The following FARP1 variants were observed in gnomAD, a reference collection of about 807,000 sequenced individuals.
FARP1 encodes FERM, ARH/RhoGEF and pleckstrin domain protein 1, also known as FERM, ARHGEF and pleckstrin domain-containing protein 1.
FARP1 carries 52 observed loss-of-function variants against 128.8 expected under a neutral mutation model. That is an observed-to-expected ratio of 0.40 (90% CI 0.32 to 0.51). The LOEUF (loss-of-function observed/expected upper bound fraction) is 0.51, where lower values mean the gene tolerates loss of function less well. FARP1 is among the 20% of genes least tolerant of loss of function. FARP1 has a pLI of 0.45. For synonymous variants in FARP1, 580 were observed against 551.8 expected, an observed-to-expected ratio of 1.05 and a Z score of -0.72; for missense variants, 1,333 against 1,367.9, an observed-to-expected ratio of 0.97 and a Z score of 0.40.
intron 13 of FARP1, 72 bp from the exon 14 acceptor site, chr13:98,409,266 A>G (rs1891095826): frequency 4.2e-6 from 5 of 1,178,492 alleles, no homozygotes; most frequent in Non-Finnish European, 4.8e-6. Context: ...AAAAGGTGAA[A>G]GTAGTGAATA....
At chr13:98,228,191 TC>T (rs1459864809) in intron 2 of FARP1, among the ~76,000 whole-genome samples, 6 of 152,142 alleles carry the variant, frequency 3.9e-5, no homozygotes, top group Non-Finnish European at 7.4e-5. Flanking sequence ...AAACCCTGTC[TC>T]TACTAAAAAT....
At chr13:98,218,324 G>A in intron 2 of FARP1, among the ~76,000 whole-genome samples, 1 of 152,098 alleles carries the variant, frequency 6.6e-6, no homozygotes, top group Non-Finnish European at 1.5e-5. Flanking sequence ...CTTGAATCAT[G>A]GTCTCTAATC....
chr13:98,412,264 C>G (rs766493854), intron 16 of FARP1, among the ~76,000 whole-genome samples: 2 of 152,112 alleles, frequency 1.3e-5, no homozygotes, highest in Non-Finnish European at 2.9e-5. Context: ...TTTTCCCTCT[C>G]TTATGATGAT....
Position 98,385,771 on chromosome 13 carries a change from A to G in FARP1, c.716A>G (p.Lys239Arg), listed in dbSNP as rs1415269137. 2 of 1,614,112 alleles carry G rather than the reference A, an allele frequency of 1.2e-6. No homozygotes were observed. Among genetic ancestry groups the G allele is most frequent in the Admixed American group, 3.3e-5 (2 of 60,008 alleles). The change falls in exon 8 of 27, where the codon AAG (lysine) becomes AGG (arginine). Residue 239 changes from lysine to arginine, a missense_variant. Coordinates refer to ENST00000319562, the MANE Select transcript of FARP1 (RefSeq NM_005766.4). The part of the protein sequence containing the change: ...LHPAKDREGT[K>R]INLAVANTGI... Reference sequence around the variant, plus strand: ...CCGGCCAAGGACAGGGAAGGCACGAAGATCAATCTGGCCGTTGCCAACACG... The same window carrying G: ...CCGGCCAAGGACAGGGAAGGCACGAGGATCAATCTGGCCGTTGCCAACACG...
intron 16 of FARP1, among the ~76,000 whole-genome samples, chr13:98,420,767 C>T (rs1012424575): frequency 1.3e-5 from 2 of 152,132 alleles, no homozygotes; most frequent in Non-Finnish European, 2.9e-5. Flanking sequence ...ATCCAGAGGA[C>T]GTGGTGGAAG....
intron 2 of FARP1, among the ~76,000 whole-genome samples, chr13:98,287,800 C>CT (rs35204639): frequency 0.14 from 15,881 of 116,496 alleles, 1,323 homozygotes; most frequent in East Asian, 0.26. Flanking sequence ...CCAGGCACTT[C>CT]TTTTTTTTTT....
At chr13:98,283,667 T>C (rs1487546178) in intron 2 of FARP1, among the ~76,000 whole-genome samples, 1 of 152,216 alleles carries the variant, frequency 6.6e-6, no homozygotes, top group Non-Finnish European at 1.5e-5. Flanking sequence ...ACCCTGAAGG[T>C]TGTGCTCTTC....
At chr13:98,241,148 C>T (rs1443864767) in intron 2 of FARP1, among the ~76,000 whole-genome samples, 3 of 152,222 alleles carry the variant, frequency 2.0e-5, no homozygotes, top group South Asian at 2.1e-4. Context: ...AAAAACTGGC[C>T]CTGGGAAGAG....
At chr13:98,222,816 T>TTTA (rs869051434) in intron 2 of FARP1, among the ~76,000 whole-genome samples, 1 of 142,778 alleles carries the variant, frequency 7.0e-6, no homozygotes. Flanking sequence ...TTTTTTTTTT[T>TTTA]AAGTAGACAT....
intron 16 of FARP1, among the ~76,000 whole-genome samples, chr13:98,417,872 T>G (rs1891447538): frequency 6.6e-6 from 1 of 152,198 alleles, no homozygotes; most frequent in South Asian, 2.1e-4. Context: ...TAAATACTTT[T>G]CTCATCATTC....
chr13:98,445,797 G>A lies in FARP1; in HGVS notation c.2797-301G>A, dbSNP rs1230092355. On this transcript the variant is annotated intron_variant, in intron 24 of 26. Transcript: ENST00000319562. Reference sequence around the variant, plus strand: ...TGATCTCGTCTTCACTAGTTACCCTGCAACGAGCCTATTTCCAAATAAGCC... The same window carrying A: ...TGATCTCGTCTTCACTAGTTACCCTACAACGAGCCTATTTCCAAATAAGCC... 3 of 268,336 alleles carry A rather than the reference G, an allele frequency of 1.1e-5. No homozygotes were observed. In the East Asian group the frequency reaches 2.8e-4, roughly 25 times the overall value. 16.6% of individuals were successfully genotyped at this position (268,336 alleles called of 1,614,324 possible).
chr13:98,197,334 C>G (rs1332335944), intron 1 of FARP1, among the ~76,000 whole-genome samples: 1 of 151,718 alleles, frequency 6.6e-6, no homozygotes, highest in East Asian at 2.0e-4. Flanking sequence ...GGCTTGGTGG[C>G]GCATGCCTGT....
chr13:98,438,684 C>G, intron 19 of FARP1, 120 bp from the exon 20 acceptor site: 1 of 754,228 alleles, frequency 1.3e-6, no homozygotes, highest in Non-Finnish European at 2.3e-6. Context: ...TTCTTGGGGT[C>G]TGCACGCTCG....
At chr13:98,349,704 A>G (rs1026111970) in intron 3 of FARP1, among the ~76,000 whole-genome samples, 2 of 142,198 alleles carry the variant, frequency 1.4e-5, no homozygotes, top group Admixed American at 7.1e-5. Context: ...AAAAAAAAAG[A>G]CAATGCTTAC....
At chr13:98,407,344 AT>A (rs56198675) in intron 13 of FARP1, 19,676 of 151,460 alleles carry the variant, frequency 0.13, 1,564 homozygotes, top group African/African-American at 0.22. Flanking sequence ...TCTTTTTGTG[AT>A]TTTTTTTTTT....
At chr13:98,211,938 T>G (rs563776055) in intron 1 of FARP1, among the ~76,000 whole-genome samples, 81 of 152,292 alleles carry the variant, frequency 5.3e-4, no homozygotes, top group African/African-American at 1.8e-3. Flanking sequence ...GGTTCCTGCT[T>G]TAAGGGCATC....
Position 98,343,852 on chromosome 13 carries a change from C to G in FARP1, c.262C>G (p.His88Asp). 1 of 1,609,406 alleles carries G rather than the reference C, an allele frequency of 6.2e-7. No individual in the cohort carries two copies. Among genetic ancestry groups the G allele is most frequent in the Non-Finnish European group, 8.5e-7 (1 of 1,176,856 alleles). Residue 88 changes from histidine (H) to aspartate (D), a missense_variant, in exon 3 of 27, where the codon CAC becomes GAC. By Grantham distance (81) the His-to-Asp change is moderately conservative. Transcript: ENST00000319562. Reference protein sequence around the residue: ...GDYFGLEFPDHKKITVWLDLL... With the variant: ...GDYFGLEFPDDKKITVWLDLL... ...CTATTTTGGCCTCGAGTTTCCTGAT[C>G]ACAAAAAGATCACGGTAGGTGATGT...
chr13:98,181,582 C>T (rs1343511014), intron 1 of FARP1, among the ~76,000 whole-genome samples: 1 of 150,440 alleles, frequency 6.6e-6, no homozygotes, highest in African/African-American at 2.4e-5. Context: ...CTAAATCTTA[C>T]CATTTAGAAA....
intron 2 of FARP1, among the ~76,000 whole-genome samples, chr13:98,309,184 G>C (rs1236297747): frequency 1.8e-4 from 9 of 49,296 alleles, no homozygotes; most frequent in Non-Finnish European, 3.1e-4. Context: ...TTTTTTTTTT[G>C]GAGACGGAGT....
Sources: gnomAD v4.1 joint callset for allele counts (sites outside exome capture counted in the v4.1 genomes callset) on GRCh38, gnomAD v4.1.1 for gene constraint, MANE v1.5 for transcripts, NCBI Gene and HGNC (gene_info 2026-07-23, HGNC 2026-07-21) for gene names.